The following GPR19 variants were observed in gnomAD, a reference collection of about 807,000 sequenced individuals.
GPR19 encodes probable G protein-coupled receptor 19.
A neutral mutation model predicts 28.5 loss-of-function variants in GPR19; 14 were observed. That is an observed-to-expected ratio of 0.49 (90% CI 0.32 to 0.77). The LOEUF (loss-of-function observed/expected upper bound fraction) is 0.77. Ranked by LOEUF, GPR19 falls within the 30% of genes least tolerant of loss-of-function variation. The probability of loss-of-function intolerance (pLI) is 0.03; values close to 1 mark genes in which losing one functional copy is unlikely to be tolerated. For missense variants in GPR19, 409 were observed against 504.1 expected, an observed-to-expected ratio of 0.81 and a Z score of 1.81; for synonymous variants, 173 against 184.1, an observed-to-expected ratio of 0.94 and a Z score of 0.49.
At chr12:12,694,931 A>C (rs1366870306) in intron 2 of GPR19, among the ~76,000 whole-genome samples, 1 of 152,232 alleles carries the variant, frequency 6.6e-6, no homozygotes, top group East Asian at 1.9e-4. Flanking sequence ...GCCAGGATAT[A>C]CTTTAGGCTG....
chr12:12,708,658 T>TTTCAGAGC, the GPR19 span, among the ~76,000 whole-genome samples: 1 of 152,106 alleles, frequency 6.6e-6, no homozygotes, highest in Non-Finnish European at 1.5e-5. Context: ...CAGTTCTCTA[T>TTTCAGAGC]TTCAGAGCTT....
At chr12:12,709,041 C>T in the GPR19 span, among the ~76,000 whole-genome samples, 1 of 96,420 alleles carries the variant, frequency 1.0e-5, no homozygotes, top group Non-Finnish European at 2.4e-5. Flanking sequence ...GAGCAAGACT[C>T]CGTCTAAAAA....
upstream of GPR19, among the ~76,000 whole-genome samples, chr12:12,698,772 G>A (rs1318718340): frequency 5.3e-5 from 8 of 151,786 alleles, no homozygotes; most frequent in East Asian, 1.9e-4. Flanking sequence ...CACCACGCCC[G>A]GCTAATTTTT....
chr12:12,683,825 C>A (rs1946056321), intron 3 of GPR19, among the ~76,000 whole-genome samples: 1 of 152,186 alleles, frequency 6.6e-6, no homozygotes, highest in South Asian at 2.1e-4. Flanking sequence ...ATGTGAAATT[C>A]TGTGGCAGTC....
At chr12:12,715,690 AG>A in the GPR19 span, 48 of 152,558 alleles carry the variant, frequency 3.1e-4, 1 homozygote, top group Admixed American at 2.6e-3. Flanking sequence ...TAGGAAGGAA[AG>A]GAACAGAAAA....
intron 2 of GPR19, among the ~76,000 whole-genome samples, chr12:12,687,191 T>C (rs1404271110): frequency 6.6e-6 from 1 of 152,204 alleles, no homozygotes; most frequent in Non-Finnish European, 1.5e-5. Context: ...TGTTTAGATG[T>C]TACAAAAGGA....
chr12:12,670,998 A>G (rs865901621), intron 3 of GPR19, among the ~76,000 whole-genome samples: 1 of 152,160 alleles, frequency 6.6e-6, no homozygotes, highest in Non-Finnish European at 1.5e-5. Flanking sequence ...AAAAGCCCAT[A>G]GAATCTATTC....
intron 2 of GPR19, among the ~76,000 whole-genome samples, chr12:12,692,439 C>T (rs1341098931): frequency 1.3e-5 from 2 of 151,622 alleles, no homozygotes; most frequent in Admixed American, 1.3e-4. Flanking sequence ...TGCCATGTTG[C>T]CCAGACCGGT....
the GPR19 span, among the ~76,000 whole-genome samples, chr12:12,705,742 G>T: frequency 6.6e-6 from 1 of 151,970 alleles, no homozygotes; most frequent in African/African-American, 2.4e-5. Flanking sequence ...TAGACACAGG[G>T]TTTCACTATG....
At chr12:12,670,259 T>C (rs1178686998) in intron 3 of GPR19, among the ~76,000 whole-genome samples, 2 of 152,218 alleles carry the variant, frequency 1.3e-5, no homozygotes, top group Non-Finnish European at 2.9e-5. Flanking sequence ...CAATATCCCA[T>C]GCAACATTTT....
At chr12:12,687,358 T>G (rs1946112748) in intron 2 of GPR19, among the ~76,000 whole-genome samples, 1 of 152,234 alleles carries the variant, frequency 6.6e-6, no homozygotes, top group Non-Finnish European at 1.5e-5. Context: ...CTTTGCTCAG[T>G]GTTCTGTACT....
chr12:12,672,164 A>T (rs1177945055), intron 3 of GPR19, among the ~76,000 whole-genome samples: 1 of 152,234 alleles, frequency 6.6e-6, no homozygotes, highest in Non-Finnish European at 1.5e-5. Flanking sequence ...GCTTTACCCC[A>T]CATGAAGGTT....
intron 2 of GPR19, chr12:12,688,802 C>T (rs1046429503): frequency 6.6e-6 from 1 of 152,232 alleles, no homozygotes; most frequent in Non-Finnish European, 1.5e-5. Context: ...GCCAATACTC[C>T]CTGGGAGATT....
At chr12:12,698,201 A>G (rs1442264971), upstream of GPR19, among the ~76,000 whole-genome samples, 2 of 152,234 alleles carry the variant, frequency 1.3e-5, no homozygotes, top group Non-Finnish European at 1.5e-5. Context: ...TAAGAATAGT[A>G]AGTTGTCAAA....
At chr12:12,687,565 ATC>A (rs1946114765) in intron 2 of GPR19, among the ~76,000 whole-genome samples, 1 of 152,210 alleles carries the variant, frequency 6.6e-6, no homozygotes, top group Non-Finnish European at 1.5e-5. Flanking sequence ...AGATTGCTGA[ATC>A]TCTCTTCCAC....
upstream of GPR19, among the ~76,000 whole-genome samples, chr12:12,696,404 G>T (rs184862487): frequency 8.0e-6 from 1 of 125,738 alleles, no homozygotes; most frequent in Non-Finnish European, 1.6e-5. Context: ...GATTAGTGCT[G>T]CAGTCAAATG....
chr12:12,685,880 G>A (rs1946090772), intron 2 of GPR19, among the ~76,000 whole-genome samples: 1 of 152,176 alleles, frequency 6.6e-6, no homozygotes, highest in Non-Finnish European at 1.5e-5. Context: ...CATTATCTAA[G>A]TCCTAACAGC....
At chr12:12,679,981 A>C (rs1945993998) in intron 3 of GPR19, among the ~76,000 whole-genome samples, 1 of 152,244 alleles carries the variant, frequency 6.6e-6, no homozygotes, top group African/African-American at 2.4e-5. Context: ...GTGCTCAACA[A>C]ATATTTGCTT....
chr12:12,700,757 T>C (rs1164773434), upstream of GPR19, among the ~76,000 whole-genome samples: 2 of 152,238 alleles, frequency 1.3e-5, no homozygotes, highest in South Asian at 2.1e-4. Flanking sequence ...TTAGATGTGA[T>C]AGTCCAAATT....
Sources: allele counts gnomAD v4.1 joint callset (sites outside exome capture counted in the v4.1 genomes callset), GRCh38; gene constraint gnomAD v4.1.1; transcripts MANE v1.5; gene names NCBI Gene and HGNC (gene_info 2026-07-23, HGNC 2026-07-21).